BICRAL: variants seen among roughly 807,000 people sequenced by gnomAD.
BICRAL encodes the protein BICRA like chromatin remodeling complex associated protein.
Under a neutral mutation model 91.8 loss-of-function variants are expected in BICRAL, and 8 were observed. That is an observed-to-expected ratio of 0.09 (90% CI 0.05 to 0.16). BICRAL has a LOEUF of 0.16. BICRAL is among the 10% of genes least tolerant of loss of function. The pLI is 1.00. For missense variants in BICRAL, 1,038 were observed against 1,310.9 expected (o/e 0.79, Z 3.21); for synonymous variants, 445 against 491.1 (o/e 0.91, Z 1.24).
chr6:42,756,198 C>A (rs981727949), intron 1 of BICRAL, among the ~76,000 whole-genome samples: 1 of 152,168 alleles, frequency 6.6e-6, no homozygotes, highest in Non-Finnish European at 1.5e-5. Context: ...CCGACTTCTG[C>A]CCCTGCCATT....
At chr6:42,751,854 T>C (rs971769163) in intron 1 of BICRAL, among the ~76,000 whole-genome samples, 1 of 151,720 alleles carries the variant, frequency 6.6e-6, no homozygotes, top group African/African-American at 2.4e-5. Flanking sequence ...ACGGGGTTTC[T>C]CCATGTTGGT....
chr6:42,867,097 T>G lies in BICRAL; in HGVS notation c.*1651T>G. The G allele has an allele frequency of 3.7e-6, 1 of 272,788 alleles. No homozygotes were observed. Among genetic ancestry groups the G allele is most frequent in the Non-Finnish European group, 7.4e-6 (1 of 135,356 alleles). The allele number at this position is 272,788 out of a possible 1,614,324, so 16.9% of individuals were successfully genotyped here. On this transcript the variant is annotated 3_prime_UTR_variant, in exon 13 of 13. Coordinates refer to ENST00000314073, the MANE Select transcript of BICRAL (RefSeq NM_001393499.1). Reference sequence around the variant, plus strand: ...ACTTTAATGTGTTGCCAGAATCTGCTTCTGGCTGTCGCCAACATGGGGATG... The same window carrying G: ...ACTTTAATGTGTTGCCAGAATCTGCGTCTGGCTGTCGCCAACATGGGGATG...
upstream of BICRAL, among the ~76,000 whole-genome samples, chr6:42,777,473 A>C (rs534026365): frequency 4.6e-5 from 7 of 152,336 alleles, no homozygotes; most frequent in Admixed American, 2.6e-4. Flanking sequence ...TACAAATAAA[A>C]GTATATACCT....
chr6:42,828,092 A>G (rs1415388855), intron 5 of BICRAL, among the ~76,000 whole-genome samples: 1 of 152,196 alleles, frequency 6.6e-6, no homozygotes, highest in Non-Finnish European at 1.5e-5. Context: ...ATGCCTGAGA[A>G]GCAGACTGTC....
intron 12 of BICRAL, among the ~76,000 whole-genome samples, chr6:42,864,362 G>C (rs777737024): frequency 3.9e-5 from 6 of 152,062 alleles, no homozygotes; most frequent in Admixed American, 6.6e-5. Context: ...ATGATACTTA[G>C]AGATCAGGAC....
At chr6:42,851,324 C>T (rs1283709826) in intron 6 of BICRAL, among the ~76,000 whole-genome samples, 1 of 152,042 alleles carries the variant, frequency 6.6e-6, no homozygotes, top group Admixed American at 6.6e-5. Flanking sequence ...GAGTTTGAGA[C>T]CAGCCTTGGT....
intron 1 of BICRAL, among the ~76,000 whole-genome samples, chr6:42,755,084 T>C (rs1447624597): frequency 1.3e-5 from 2 of 151,962 alleles, no homozygotes; most frequent in Non-Finnish European, 2.9e-5. Context: ...TCATGCTGAG[T>C]ATGAGGAGAA....
chr6:42,782,963 C>G (rs1355209655), intron 1 of BICRAL, among the ~76,000 whole-genome samples: 1 of 151,356 alleles, frequency 6.6e-6, no homozygotes, highest in Non-Finnish European at 1.5e-5. Flanking sequence ...CAAAATGGAC[C>G]CCGCGTCTGG....
chr6:42,797,167 TAAGATACATAAGGAA>T (rs1429040815), intron 1 of BICRAL, among the ~76,000 whole-genome samples: 1 of 149,504 alleles, frequency 6.7e-6, no homozygotes, highest in Non-Finnish European at 1.5e-5. Flanking sequence ...AACTTATGTA[TAAGATACATAAGGAA>T]AAGATACATA....
chr6:42,852,234 C>A, intron 7 of BICRAL, 37 bp downstream of exon 7: 1 of 1,178,616 alleles, frequency 8.5e-7, no homozygotes, highest in Non-Finnish European at 1.3e-6. Context: ...GTCCTCCCAA[C>A]ACCACGGGAT....
At chr6:42,835,549 T>TA (rs75875509) in intron 6 of BICRAL, among the ~76,000 whole-genome samples, 2,895 of 144,744 alleles carry the variant, frequency 0.02, 39 homozygotes, top group East Asian at 0.053. Context: ...TAAACCATTG[T>TA]AAAAAAAAAA....
intron 1 of BICRAL, among the ~76,000 whole-genome samples, chr6:42,770,830 C>A (rs1762708445): frequency 6.6e-6 from 1 of 151,752 alleles, no homozygotes; most frequent in African/African-American, 2.4e-5. Context: ...AGCTGGGATT[C>A]CAGGTGCCCG....
intron 1 of BICRAL, among the ~76,000 whole-genome samples, chr6:42,794,411 CTGTGTGTGTGTGTGTGTG>C (rs67384767): frequency 2.8e-4 from 41 of 146,388 alleles, no homozygotes; most frequent in Admixed American, 3.5e-4. Flanking sequence ...TTCACTTACT[CTGTGTGTGTGTGTGTGTG>C]TGTGTGTGTG....
Position 42,816,658 on chromosome 6 carries a change from C to CT in BICRAL, c.-5-5354dup, listed in dbSNP as rs528950019. Among the ~76,000 whole-genome samples, 498 of 152,114 alleles carry CT rather than the reference C, an allele frequency of 3.3e-3. 2 individuals carry two copies. The highest frequency in any genetic ancestry group is 0.011 in the African/African-American group (475 of 41,500). On this transcript the variant is annotated intron_variant, in intron 2 of 12. Coordinates refer to ENST00000314073, the MANE Select transcript of BICRAL (RefSeq NM_001393499.1). Reference sequence around the variant, plus strand: ...TCTCCTTGTTTTATTAATTGTTTTTCTTTTTTGATTAGATCTTACATGCAT... The same window carrying CT: ...TCTCCTTGTTTTATTAATTGTTTTTCTTTTTTTGATTAGATCTTACATGCAT...
chr6:42,855,994 A>G (rs2114026436), intron 9 of BICRAL, 77 bp downstream of exon 9: 5 of 1,148,876 alleles, frequency 4.4e-6, no homozygotes, highest in Non-Finnish European at 5.3e-6. Context: ...TATACCACAG[A>G]AAACAGGTTA....
intron 1 of BICRAL, among the ~76,000 whole-genome samples, chr6:42,766,840 A>G (rs1054301322): frequency 6.6e-6 from 1 of 152,156 alleles, no homozygotes; most frequent in Non-Finnish European, 1.5e-5. Context: ...GGAGATCGAG[A>G]CCATCCTGGC....
At chr6:42,784,221 C>A (rs1763035083) in intron 1 of BICRAL, among the ~76,000 whole-genome samples, 1 of 152,168 alleles carries the variant, frequency 6.6e-6, no homozygotes, top group African/African-American at 2.4e-5. Flanking sequence ...CGCTTTAAAA[C>A]AGTCTGAAAC....
At chr6:42,816,841 A>G (rs982187403) in intron 2 of BICRAL, among the ~76,000 whole-genome samples, 1 of 151,560 alleles carries the variant, frequency 6.6e-6, no homozygotes, top group Non-Finnish European at 1.5e-5. Context: ...GGTGAAACCC[A>G]GTCTCTACTA....
chr6:42,796,318 T>TC (rs753614735), intron 1 of BICRAL, among the ~76,000 whole-genome samples: 11 of 152,152 alleles, frequency 7.2e-5, no homozygotes, highest in Non-Finnish European at 1.2e-4. Flanking sequence ...CCTGAGGATA[T>TC]CTGGAGGAAG....
Sources: allele counts gnomAD v4.1 joint callset (sites outside exome capture counted in the v4.1 genomes callset), GRCh38; gene constraint gnomAD v4.1.1; transcripts MANE v1.5; gene names NCBI Gene and HGNC (gene_info 2026-07-23, HGNC 2026-07-21).